Variants in ERC1 observed in about 807,000 individuals in gnomAD.
ERC1 encodes the protein ELKS/RAB6-interacting/CAST family member 1, also known as RAB6 interacting protein 2.
Under a neutral mutation model 132.0 loss-of-function variants are expected in ERC1, and 56 were observed. That is an observed-to-expected ratio of 0.42 (90% confidence interval 0.34 to 0.53). The LOEUF is 0.53. Among genes scored for constraint, ERC1 ranks in the 20% least tolerant of loss-of-function variants. The pLI is 0.03. For missense variants in ERC1, 1,202 were observed against 1,349.9 expected (o/e 0.89, Z 1.72); for synonymous variants, 478 against 476.1 (o/e 1.00, Z -0.05).
intron 17 of ERC1, among the ~76,000 whole-genome samples, chr12:1,412,378 A>T (rs561370038): frequency 6.6e-6 from 1 of 152,224 alleles, no homozygotes; most frequent in Admixed American, 6.5e-5. Context: ...GTATCCATAG[A>T]TGGGAAGAGA....
chr12:1,110,888 G>A (rs1256292357), intron 5 of ERC1, among the ~76,000 whole-genome samples: 1 of 152,050 alleles, frequency 6.6e-6, no homozygotes. Flanking sequence ...ATTTTTTGTA[G>A]AGATGGGGTT....
intron 15 of ERC1, among the ~76,000 whole-genome samples, chr12:1,310,608 G>A (rs1177232400): frequency 6.6e-6 from 1 of 152,248 alleles, no homozygotes; most frequent in Non-Finnish European, 1.5e-5. Context: ...AGATGCAGTA[G>A]TTCTGTGCTC....
rs75085014 is a variant in ERC1 at position 1,252,086 on chromosome 12, G to A, written c.2488-10948G>A. Reference sequence around the variant, plus strand: ...CATGTAATGTGTAATGATCAGATCTGGGTAATTAGGGTACTCATCCCCTCA... The same window carrying A: ...CATGTAATGTGTAATGATCAGATCTAGGTAATTAGGGTACTCATCCCCTCA... On this transcript the variant is annotated intron_variant, in intron 13 of 18. Coordinates refer to ENST00000360905, the MANE Select transcript of ERC1 (RefSeq NM_178040.4). Among the ~76,000 whole-genome samples the A allele has an allele frequency of 5.3e-3, 807 of 152,138 alleles. 8 individuals are homozygous for A. Among genetic ancestry groups the A allele is most frequent in the African/African-American group, 0.018 (761 of 41,526 alleles).
At chr12:991,655 G>A (rs1959343888) in intron 1 of ERC1, 1 of 151,860 alleles carries the variant, frequency 6.6e-6, no homozygotes, top group Non-Finnish European at 1.5e-5. Context: ...AGGTGGGGGA[G>A]TGGGGACTGG....
chr12:1,170,804 G>A lies in ERC1; in HGVS notation c.1738-9736G>A, dbSNP rs117426222. ...TGTCAAGGAACTTTCTTTCCTACCA[G>A]CAATTAATAAAATCTACCTGGAGCA... On this transcript the variant is annotated intron_variant, in intron 8 of 18. Transcript: ENST00000360905. Among the ~76,000 whole-genome samples, 147 of 152,114 alleles carry A rather than the reference G, an allele frequency of 9.7e-4. 1 individual carries two copies. The East Asian group carries it at 0.025, about 26-fold the overall frequency.
At chr12:1,180,308 T>C (rs74057283) in intron 8 of ERC1, among the ~76,000 whole-genome samples, 14,494 of 149,574 alleles carry the variant, frequency 0.097, 2,287 homozygotes, top group African/African-American at 0.34. Context: ...CGCGCGCGCA[T>C]ACACATGTGT....
In ERC1 at chr12:1,205,956, A is replaced by G. The variant is rs539842480; in HGVS notation, c.2351+15904A>G. 4.6e-5 allele frequency among the ~76,000 whole-genome samples: 7 copies of G among 152,240 alleles called. No individual in the cohort carries two copies. The South Asian group carries it at 1.2e-3, about 27-fold the overall frequency. On this transcript the variant is annotated intron_variant, in intron 12 of 18. Transcript: ENST00000360905. Reference sequence around the variant, plus strand: ...TTCAGAAGAATTTGACCGTGAAGCCATTGGTATATACATAATTCACTGAGT... The same window carrying G: ...TTCAGAAGAATTTGACCGTGAAGCCGTTGGTATATACATAATTCACTGAGT...
chr12:1,351,848 T>G (rs960054012), intron 15 of ERC1, among the ~76,000 whole-genome samples: 9 of 152,174 alleles, frequency 5.9e-5, no homozygotes, highest in African/African-American at 2.2e-4. Context: ...CTTTATCAAA[T>G]GTATCTTTTG....
chr12:1,137,306 C>T (rs1197821331), intron 7 of ERC1, among the ~76,000 whole-genome samples: 2 of 151,048 alleles, frequency 1.3e-5, no homozygotes, highest in Non-Finnish European at 3.0e-5. Context: ...ACCATGTTGG[C>T]CAGGATGGTC....
chr12:1,396,010 C>A (rs1477476976), intron 16 of ERC1, among the ~76,000 whole-genome samples: 2 of 151,830 alleles, frequency 1.3e-5, no homozygotes, highest in African/African-American at 4.8e-5. Flanking sequence ...CATATTAAAT[C>A]TATTTGCGTG....
chr12:1,113,283 T>C (rs187098013), intron 6 of ERC1, among the ~76,000 whole-genome samples: 51 of 152,310 alleles, frequency 3.3e-4, no homozygotes, highest in Non-Finnish European at 5.1e-4. Flanking sequence ...TAGCTAACAC[T>C]TGCACACTTA....
chr12:1,162,204 C>T (rs1038145273), intron 8 of ERC1, among the ~76,000 whole-genome samples: 3 of 152,174 alleles, frequency 2.0e-5, no homozygotes, highest in South Asian at 2.1e-4. Context: ...GTATTGGGCT[C>T]CTCCTTCCCA....
At chr12:1,290,901 G>GC (rs1278710574) in intron 15 of ERC1, among the ~76,000 whole-genome samples, 61 of 152,260 alleles carry the variant, frequency 4.0e-4, no homozygotes, top group African/African-American at 1.4e-3. Context: ...CGCCTCAGCA[G>GC]CCTTTCACTG....
At position 1,391,384 on chromosome 12, in the gene ERC1, C is replaced by G. The variant is rs1156937403; in HGVS notation, c.2926-16765C>G. On this transcript the variant is annotated intron_variant, in intron 16 of 18. Coordinates refer to ENST00000360905, the MANE Select transcript of ERC1 (RefSeq NM_178040.4). ...CCCACTAGGCTTCACTGGTGTATCC[C>G]TGCCTGGTTAGGGTAGGAAGGCCTC... The G allele has an allele frequency of 2.0e-5, 3 of 152,446 alleles. No individual in the cohort carries two copies. The East Asian group carries it at 5.8e-4, about 29-fold the overall frequency. 9.4% of individuals were successfully genotyped at this position (152,446 alleles called of 1,614,324 possible).
chr12:1,487,826 A>AGAGAG (rs1565539536), intron 18 of ERC1, among the ~76,000 whole-genome samples: 2 of 145,466 alleles, frequency 1.4e-5, no homozygotes, highest in Admixed American at 1.4e-4. Flanking sequence ...GAGAGAGAGA[A>AGAGAG]AGAAAAGAAA....
At chr12:1,037,155 TA>T (rs1214620642) in intron 2 of ERC1, among the ~76,000 whole-genome samples, 3 of 152,212 alleles carry the variant, frequency 2.0e-5, no homozygotes, top group African/African-American at 7.2e-5. Context: ...GTTGCACAAA[TA>T]TGAGATAGGG....
intron 16 of ERC1, among the ~76,000 whole-genome samples, chr12:1,384,560 A>G (rs975226835): frequency 4.6e-5 from 7 of 152,334 alleles, no homozygotes; most frequent in South Asian, 2.1e-4. Flanking sequence ...TTAAGAATCA[A>G]TTAATTTGCA....
intron 6 of ERC1, among the ~76,000 whole-genome samples, chr12:1,113,461 G>A (rs1946108872): frequency 6.6e-6 from 1 of 152,128 alleles, no homozygotes; most frequent in African/African-American, 2.4e-5. Context: ...GTTCTTTACT[G>A]ACCTATACTA....
chr12:1,360,950 G>A (rs2086036124), intron 15 of ERC1, among the ~76,000 whole-genome samples: 1 of 151,816 alleles, frequency 6.6e-6, no homozygotes, highest in Non-Finnish European at 1.5e-5. Context: ...AGCTAGGTAT[G>A]GTGATGCCAG....
Sources: allele counts gnomAD v4.1 joint callset (sites outside exome capture counted in the v4.1 genomes callset), GRCh38; gene constraint gnomAD v4.1.1; transcripts MANE v1.5; gene names NCBI Gene and HGNC (gene_info 2026-07-23, HGNC 2026-07-21).